DCC: variants seen among roughly 807,000 people sequenced by gnomAD.
The protein encoded by DCC is netrin receptor DCC.
DCC carries 58 observed loss-of-function variants against 172.5 expected under a neutral mutation model. That is an observed-to-expected ratio of 0.34 (90% CI 0.27 to 0.42). DCC has a LOEUF of 0.42. Ranked by LOEUF, DCC falls within the 10% of genes least tolerant of loss-of-function variation. The pLI is 1.00. For missense variants in DCC, 1,740 were observed against 1,791.0 expected, an observed-to-expected ratio of 0.97 and a Z score of 0.51; for synonymous variants, 709 against 644.5, an observed-to-expected ratio of 1.10 and a Z score of -1.52.
intron 1 of DCC, among the ~76,000 whole-genome samples, chr18:52,435,612 A>G (rs547799181): frequency 4.6e-5 from 7 of 152,290 alleles, no homozygotes; most frequent in African/African-American, 1.4e-4. Flanking sequence ...CTCAACGGTG[A>G]TAGTGACAGC....
At chr18:52,934,294 T>C (rs1356527489) in intron 5 of DCC, among the ~76,000 whole-genome samples, 1 of 152,086 alleles carries the variant, frequency 6.6e-6, no homozygotes, top group Non-Finnish European at 1.5e-5. Flanking sequence ...TCTTTGGCAG[T>C]AATCTCTAGA....
rs529837242 is a variant in DCC, at chr18:53,073,441, T to C, written c.1261+7275T>C. Among the ~76,000 whole-genome samples, 13 of 152,004 alleles carry C rather than the reference T, an allele frequency of 8.6e-5. No individual in the cohort carries two copies. The South Asian group carries it at 2.3e-3, about 27-fold the overall frequency. On this transcript the variant is annotated intron_variant, in intron 7 of 28. Transcript: ENST00000442544. ...TTGGGAGGCTGAGGCAGGAGAATGG[T>C]ATGAAACCTGGGGGGCGGAGCTTGC...
chr18:53,286,366 G>T (rs11660938), intron 12 of DCC, among the ~76,000 whole-genome samples: 44,125 of 151,886 alleles, frequency 0.29, 8,245 homozygotes, highest in Non-Finnish European at 0.43. Context: ...GTGACCTGAC[G>T]GTTTTAAAAA....
intron 1 of DCC, among the ~76,000 whole-genome samples, chr18:52,354,667 A>G (rs186938787): frequency 1.1e-4 from 17 of 152,300 alleles, no homozygotes; most frequent in African/African-American, 4.1e-4. Context: ...TTCAATAAAT[A>G]CTCATTACCA....
intron 1 of DCC, among the ~76,000 whole-genome samples, chr18:52,343,558 T>C (rs1357205365): frequency 2.0e-5 from 3 of 152,180 alleles, no homozygotes; most frequent in African/African-American, 4.8e-5. Flanking sequence ...ACTTTTTAGT[T>C]GGCTTCTGTA....
At chr18:52,950,846 A>G (rs1598962795) in intron 5 of DCC, among the ~76,000 whole-genome samples, 1 of 141,898 alleles carries the variant, frequency 7.0e-6, no homozygotes, top group Admixed American at 7.5e-5. Context: ...AATGGCGTGA[A>G]CCCGGGAGGC....
intron 1 of DCC, among the ~76,000 whole-genome samples, chr18:52,528,889 C>G (rs141120793): frequency 6.6e-6 from 1 of 152,142 alleles, no homozygotes; most frequent in East Asian, 1.9e-4. Context: ...GTTAGGCCAC[C>G]AGTTATCATA....
At chr18:53,422,081 G>T (rs1910670326) in intron 21 of DCC, among the ~76,000 whole-genome samples, 1 of 152,128 alleles carries the variant, frequency 6.6e-6, no homozygotes. Flanking sequence ...ATAAGGAAAA[G>T]CACTCAGATC....
chr18:53,429,673 A>G (rs1911481588), intron 21 of DCC, among the ~76,000 whole-genome samples: 1 of 152,062 alleles, frequency 6.6e-6, no homozygotes, highest in Non-Finnish European at 1.5e-5. Flanking sequence ...ATGCATTCCT[A>G]TCCTGCAGAT....
intron 1 of DCC, among the ~76,000 whole-genome samples, chr18:52,413,267 T>C (rs1986903010): frequency 6.6e-6 from 1 of 151,320 alleles, no homozygotes; most frequent in Non-Finnish European, 1.5e-5. Flanking sequence ...GCTTTTAAGA[T>C]GTTTTTTAAA....
intron 12 of DCC, among the ~76,000 whole-genome samples, chr18:53,288,634 GTGC>G (rs2056963217): frequency 2.0e-5 from 3 of 152,026 alleles, no homozygotes; most frequent in African/African-American, 7.2e-5. Flanking sequence ...CCAACTACAG[GTGC>G]TGCTAATTGT....
At chr18:52,608,248 T>A (rs1336003814) in intron 1 of DCC, among the ~76,000 whole-genome samples, 1 of 152,296 alleles carries the variant, frequency 6.6e-6, no homozygotes, top group Admixed American at 6.5e-5. Flanking sequence ...ATGAGCATCA[T>A]GTATGTGCAA....
intron 23 of DCC, among the ~76,000 whole-genome samples, chr18:53,451,710 G>GCTCTCTCTCTCTCT (rs371232356): frequency 3.9e-4 from 57 of 147,434 alleles, no homozygotes; most frequent in African/African-American, 1.4e-3. Flanking sequence ...GCTCGCTCTT[G>GCTCTCTCTCTCTCT]CTCTCTCTCT....
intron 9 of DCC, among the ~76,000 whole-genome samples, chr18:53,184,186 C>T (rs2055243667): frequency 6.6e-6 from 1 of 152,050 alleles, no homozygotes; most frequent in Non-Finnish European, 1.5e-5. Context: ...AGCACATTTA[C>T]ATACTCTGCT....
chr18:53,026,676 C>T (rs1026744715), intron 5 of DCC, among the ~76,000 whole-genome samples: 2 of 152,116 alleles, frequency 1.3e-5, no homozygotes, highest in African/African-American at 2.4e-5. Flanking sequence ...CTTCCTTTGC[C>T]TCCCAAGTAG....
chr18:53,123,086 G>T (rs1369293153), intron 7 of DCC, among the ~76,000 whole-genome samples: 1 of 152,016 alleles, frequency 6.6e-6, no homozygotes, highest in Non-Finnish European at 1.5e-5. Flanking sequence ...ATTCCACCAT[G>T]GGAGACAGAT....
intron 7 of DCC, among the ~76,000 whole-genome samples, chr18:53,076,993 T>A (rs957541642): frequency 1.3e-5 from 2 of 152,198 alleles, no homozygotes; most frequent in African/African-American, 4.8e-5. Flanking sequence ...GGATGCTGGC[T>A]GATGTCAACA....
intron 12 of DCC, among the ~76,000 whole-genome samples, chr18:53,277,342 C>G (rs896531034): frequency 6.6e-6 from 1 of 152,024 alleles, no homozygotes; most frequent in Non-Finnish European, 1.5e-5. Flanking sequence ...TGGTGGCACA[C>G]GCCTGTGGTC....
At chr18:53,092,296 T>C (rs2043025284) in intron 7 of DCC, among the ~76,000 whole-genome samples, 1 of 152,132 alleles carries the variant, frequency 6.6e-6, no homozygotes, top group South Asian at 2.1e-4. Flanking sequence ...CTTAAGCAGA[T>C]TTGGGAACCG....
Sources: gnomAD v4.1 joint callset for allele counts (sites outside exome capture counted in the v4.1 genomes callset) on GRCh38, gnomAD v4.1.1 for gene constraint, MANE v1.5 for transcripts, NCBI Gene and HGNC (gene_info 2026-07-23, HGNC 2026-07-21) for gene names.